PPP4R4: variants seen among roughly 807,000 people sequenced by gnomAD.
The protein encoded by PPP4R4 is serine/threonine-protein phosphatase 4 regulatory subunit 4.
Under a neutral mutation model 121.8 loss-of-function variants are expected in PPP4R4, and 70 were observed. That is an observed-to-expected ratio of 0.57 (90% CI 0.47 to 0.70). The LOEUF is 0.70. Ranked by LOEUF, PPP4R4 falls within the 30% of genes least tolerant of loss-of-function variation. PPP4R4 has a pLI of 0.00. For missense variants in PPP4R4, 875 were observed against 1,033.6 expected, an observed-to-expected ratio of 0.85 and a Z score of 2.10; for synonymous variants, 348 against 355.7, an observed-to-expected ratio of 0.98 and a Z score of 0.24.
At chr14:94,253,486 T>A (rs1893302272) in intron 16 of PPP4R4, among the ~76,000 whole-genome samples, 1 of 152,178 alleles carries the variant, frequency 6.6e-6, no homozygotes, top group South Asian at 2.1e-4. Context: ...GGTAATTCTT[T>A]AGATTTTAGC....
rs901950496 is a variant in PPP4R4 at position 94,279,196 on chromosome 14, A to G, written c.*553A>G. The stretch of plus-strand genomic sequence containing the variant: ...CGGCCCTCCGGATTGTGGTGACAAT[A>G]TGTTGTACCCGGACATTCCCAAATT... On this transcript the variant is annotated 3_prime_UTR_variant, in exon 25 of 25. Transcript: ENST00000304338. The G allele has an allele frequency of 7.2e-5, 11 of 152,638 alleles. No homozygotes were observed. The highest frequency in any genetic ancestry group is 1.0e-4 in the Non-Finnish European group (7 of 68,052). 9.5% of individuals were successfully genotyped at this position (152,638 alleles called of 1,614,324 possible).
rs367654926 is a variant in PPP4R4, at chr14:94,259,963, A to G, written c.2127+594A>G. On this transcript the variant is annotated intron_variant, in intron 19 of 24. Transcript: ENST00000304338. ...AATTTGCTTATCCATTCACCTCTTT[A>G]TGGACATTTGGCTTACTTCTAATTT... Among the ~76,000 whole-genome samples, 6 of 152,230 alleles carry G rather than the reference A, an allele frequency of 3.9e-5. No homozygotes were observed. The South Asian group carries it at 1.0e-3, about 26-fold the overall frequency.
chr14:94,192,596 T>C (rs888039821), intron 2 of PPP4R4, among the ~76,000 whole-genome samples: 2 of 152,196 alleles, frequency 1.3e-5, no homozygotes, highest in African/African-American at 2.4e-5. Context: ...TTATGAGTTA[T>C]ATTTTGGATT....
intron 3 of PPP4R4, among the ~76,000 whole-genome samples, chr14:94,209,791 G>A (rs990080087): frequency 6.6e-6 from 1 of 152,120 alleles, no homozygotes; most frequent in Non-Finnish European, 1.5e-5. Context: ...GTTAATGTAA[G>A]TAAGCAAATT....
chr14:94,227,374 T>C, intron 3 of PPP4R4: 1 of 1,610,614 alleles, frequency 6.2e-7, no homozygotes, highest in Middle Eastern at 1.7e-4. Context: ...GGAGAACACT[T>C]ACTGGTAAGT....
chr14:94,241,727 T>A, intron 9 of PPP4R4, 61 bp from the exon 10 acceptor site: 1 of 1,296,362 alleles, frequency 7.7e-7, no homozygotes, highest in Non-Finnish European at 1.1e-6. Flanking sequence ...TACTTTGATT[T>A]TCCCTTTTTA....
chr14:94,218,757 CACA>C, intron 3 of PPP4R4, among the ~76,000 whole-genome samples: 1 of 150,792 alleles, frequency 6.6e-6, no homozygotes, highest in African/African-American at 2.4e-5. Context: ...CACACACACA[CACA>C]CCCTCACCCC....
chr14:94,193,823 G>T lies in PPP4R4; in HGVS notation c.192-14641G>T, dbSNP rs556526602. Among the ~76,000 whole-genome samples the T allele has an allele frequency of 3.9e-5, 6 of 152,252 alleles. No individual in the cohort carries two copies. The East Asian group carries it at 1.2e-3, about 29-fold the overall frequency. ...TATCCAGCCTTTGACAAAAGGAATG[G>T]GTTGCTGATATGAAGTGAAGATGAA... On this transcript the variant is annotated intron_variant, in intron 2 of 24. Transcript: ENST00000304338.
chr14:94,174,442 G>C lies in PPP4R4; in HGVS notation c.-24G>C. Reference sequence around the variant, plus strand: ...GGCATCCCGGGGCCGCTCCGGCCCGGGCGGCGAGAGTGCCCGGCGGTCCAT... The same window carrying C: ...GGCATCCCGGGGCCGCTCCGGCCCGCGCGGCGAGAGTGCCCGGCGGTCCAT... On this transcript the variant is annotated 5_prime_UTR_variant, in exon 1 of 25. Transcript: ENST00000304338. 6.4e-7 allele frequency: 1 copy of C among 1,551,558 alleles called. No homozygotes were observed. The highest frequency in any genetic ancestry group is 8.7e-7 in the Non-Finnish European group (1 of 1,150,872).
intron 16 of PPP4R4, 114 bp from the exon 17 acceptor site, chr14:94,256,346 A>T: frequency 1.2e-6 from 1 of 800,780 alleles, no homozygotes; most frequent in Non-Finnish European, 1.9e-6. Flanking sequence ...CTCCATGAAT[A>T]TATCTTGCAT....
intron 2 of PPP4R4, among the ~76,000 whole-genome samples, chr14:94,207,035 T>C (rs1451281194): frequency 6.6e-6 from 1 of 152,036 alleles, no homozygotes; most frequent in Non-Finnish European, 1.5e-5. Context: ...TTGTGTTTTA[T>C]TCTCTGAGTT....
chr14:94,188,081 C>CT (rs956754198), intron 2 of PPP4R4, among the ~76,000 whole-genome samples: 6 of 151,980 alleles, frequency 3.9e-5, no homozygotes, highest in Admixed American at 6.6e-5. Flanking sequence ...TGTGGTGGTA[C>CT]TTTTTTTTAT....
At chr14:94,265,929 C>A in intron 22 of PPP4R4, 42 bp downstream of exon 22, 1 of 1,301,512 alleles carries the variant, frequency 7.7e-7, no homozygotes, top group Non-Finnish European at 1.1e-6. Flanking sequence ...TAATTTTTAT[C>A]TTTATTCACA....
intron 3 of PPP4R4, among the ~76,000 whole-genome samples, chr14:94,225,734 C>T (rs1370406892): frequency 6.6e-6 from 1 of 152,048 alleles, no homozygotes; most frequent in African/African-American, 2.4e-5. Context: ...TCCCAGAATA[C>T]GTAGTATGAT....
At chr14:94,222,828 G>T (rs1891484920) in intron 3 of PPP4R4, among the ~76,000 whole-genome samples, 1 of 151,820 alleles carries the variant, frequency 6.6e-6, no homozygotes, top group Admixed American at 6.6e-5. Flanking sequence ...TTTTACATGT[G>T]CCTCTGCCTA....
chr14:94,190,317 A>T (rs1190918115), intron 2 of PPP4R4, among the ~76,000 whole-genome samples: 1 of 152,110 alleles, frequency 6.6e-6, no homozygotes. Context: ...TATTTTTAAA[A>T]AGTATTTTAG....
At position 94,197,138 on chromosome 14, in the gene PPP4R4, CTTG is replaced by C. The variant is rs1889917518; in HGVS notation, c.192-11320_192-11318del. The stretch of plus-strand genomic sequence containing the variant: ...TCTCCTGTACTTTTATGTGGACCTT[CTTG>C]TTGTTCCTCTGCTGCTCAATTTGGA... On this transcript the variant is annotated intron_variant, in intron 2 of 24. Coordinates refer to ENST00000304338, the MANE Select transcript of PPP4R4 (RefSeq NM_058237.2). Among the ~76,000 whole-genome samples the C allele has an allele frequency of 2.6e-5, 4 of 152,198 alleles. No individual in the cohort carries two copies. The South Asian group carries it at 8.3e-4, about 32-fold the overall frequency.
chr14:94,189,243 G>A (rs769745227), intron 2 of PPP4R4, among the ~76,000 whole-genome samples: 67 of 152,150 alleles, frequency 4.4e-4, no homozygotes, highest in Non-Finnish European at 6.6e-4. Flanking sequence ...AATCTCTGTA[G>A]ATGTTGGTTT....
At chr14:94,240,287 G>A (rs367714448) in intron 8 of PPP4R4, among the ~76,000 whole-genome samples, 2 of 152,134 alleles carry the variant, frequency 1.3e-5, no homozygotes, top group African/African-American at 4.8e-5. Flanking sequence ...GGTATGAGAT[G>A]TGTGTAAAAG....
Sources: allele counts gnomAD v4.1 joint callset (sites outside exome capture counted in the v4.1 genomes callset), GRCh38; gene constraint gnomAD v4.1.1; transcripts MANE v1.5; gene names NCBI Gene and HGNC (gene_info 2026-07-23, HGNC 2026-07-21).